The following PTPN13 variants were observed in gnomAD, a reference collection of about 807,000 sequenced individuals.
PTPN13 encodes the protein tyrosine-protein phosphatase non-receptor type 13.
PTPN13 carries 191 observed loss-of-function variants against 284.0 expected under a neutral mutation model. The observed-to-expected ratio is 0.67, with a 90% CI of 0.60 to 0.76. The LOEUF (loss-of-function observed/expected upper bound fraction) is 0.76. PTPN13 is among the 30% of genes least tolerant of loss of function. PTPN13 has a pLI of 0.00. For missense variants in PTPN13, 2,797 were observed against 2,939.9 expected, an observed-to-expected ratio of 0.95 and a Z score of 1.12; for synonymous variants, 986 against 1,022.3, an observed-to-expected ratio of 0.96 and a Z score of 0.68.
At chr4:86,749,236 TTTTC>T (rs1486788150) in intron 17 of PTPN13, among the ~76,000 whole-genome samples, 1 of 152,110 alleles carries the variant, frequency 6.6e-6, no homozygotes, top group Non-Finnish European at 1.5e-5. Flanking sequence ...TCATTTGATA[TTTTC>T]TTTCTTCCTT....
At position 86,753,051 on chromosome 4, in the gene PTPN13, C is replaced by G. The variant is rs373545198; in HGVS notation, c.3209C>G (p.Pro1070Arg). Residue 1070 changes from proline to arginine, a missense_variant, in exon 20 of 48, where the codon CCC becomes CGC. Physicochemically the swap from Pro to Arg is moderately radical, Grantham distance 103 (BLOSUM62 -2). Coordinates refer to ENST00000411767, the MANE Select transcript of PTPN13 (RefSeq NM_080683.3). ...HSSGNSSSQVPLKENDVLHKR... is the reference protein window; with the variant it reads ...HSSGNSSSQVRLKENDVLHKR... ...TCTGGAAACTCTTCATCCCAAGTAC[C>G]CTTAAAAGAAAATGGTAGGTTTACA... The G allele has an allele frequency of 1.2e-6, 2 of 1,606,184 alleles. No individual in the cohort carries two copies. Among genetic ancestry groups the G allele is most frequent in the African/African-American group, 1.3e-5 (1 of 74,818 alleles).
At chr4:86,609,690 C>G (rs1222548062) in intron 1 of PTPN13, among the ~76,000 whole-genome samples, 3 of 152,114 alleles carry the variant, frequency 2.0e-5, no homozygotes, top group African/African-American at 4.8e-5. Context: ...ATGTTTCACA[C>G]TTTTAACCTG....
intron 1 of PTPN13, among the ~76,000 whole-genome samples, chr4:86,630,426 A>T (rs573514379): frequency 2.0e-5 from 3 of 152,214 alleles, no homozygotes; most frequent in African/African-American, 7.2e-5. Flanking sequence ...TGGAATCACC[A>T]TGCGAATCTG....
rs964869314 is a variant in PTPN13, at chr4:86,635,149, A to G, written c.-5-103A>G. Reference sequence around the variant, plus strand: ...TGGTAGCCATATTGAGAAATTAGGTAGACAGGGGGCTTATAGTCTGTCATC... The same window carrying G: ...TGGTAGCCATATTGAGAAATTAGGTGGACAGGGGGCTTATAGTCTGTCATC... On this transcript the variant is annotated intron_variant, in intron 1 of 47. Transcript: ENST00000411767. 7 of 1,219,244 alleles carry G rather than the reference A, an allele frequency of 5.7e-6. No individual in the cohort carries two copies. The Admixed American group carries it at 1.8e-4, about 31-fold the overall frequency. 75.5% of individuals were successfully genotyped at this position (1,219,244 alleles called of 1,614,324 possible). A position where few individuals can be genotyped will look rare whatever the true frequency, so the allele number is the denominator to read the frequency against.
At chr4:86,801,928 G>A (rs1744079494) in intron 42 of PTPN13, among the ~76,000 whole-genome samples, 1 of 151,992 alleles carries the variant, frequency 6.6e-6, no homozygotes, top group African/African-American at 2.4e-5. Flanking sequence ...TGAAGCAAAG[G>A]ATATTGTCAT....
At chr4:86,609,855 G>C (rs1385538171) in intron 1 of PTPN13, among the ~76,000 whole-genome samples, 1 of 152,032 alleles carries the variant, frequency 6.6e-6, no homozygotes, top group Non-Finnish European at 1.5e-5. Context: ...TTGTACTTCG[G>C]GGGACTTAGA....
chr4:86,635,558 T>C (rs938329292), intron 2 of PTPN13, among the ~76,000 whole-genome samples, 187 bp downstream of exon 2: 8 of 152,348 alleles, frequency 5.3e-5, no homozygotes, highest in Admixed American at 4.6e-4. Context: ...TTCATTTGAA[T>C]ATCTTCTATG....
chr4:86,782,803 C>A (rs1741471366), intron 37 of PTPN13, among the ~76,000 whole-genome samples: 1 of 152,158 alleles, frequency 6.6e-6, no homozygotes, highest in Non-Finnish European at 1.5e-5. Flanking sequence ...ACAGAGAAAT[C>A]TAGGGGTGAC....
chr4:86,677,765 A>C, intron 3 of PTPN13, among the ~76,000 whole-genome samples: 1 of 152,108 alleles, frequency 6.6e-6, no homozygotes, highest in East Asian at 1.9e-4. Flanking sequence ...CTAAAAAACT[A>C]ATTTCTGGTA....
At chr4:86,721,149 C>T (rs1733608718) in intron 9 of PTPN13, among the ~76,000 whole-genome samples, 1 of 150,738 alleles carries the variant, frequency 6.6e-6, no homozygotes, top group South Asian at 2.2e-4. Flanking sequence ...GGAGAGATAA[C>T]AATGATAATT....
intron 3 of PTPN13, 77 bp from the exon 4 acceptor site, chr4:86,686,633 A>C: frequency 1.1e-6 from 1 of 925,840 alleles, no homozygotes; most frequent in Non-Finnish European, 1.7e-6. Context: ...GGAACAAAAT[A>C]ATCTGTTTTT....
At chr4:86,758,417 G>A (rs1400646657) in intron 21 of PTPN13, 68 bp downstream of exon 21, 9 of 1,306,648 alleles carry the variant, frequency 6.9e-6, no homozygotes, top group Non-Finnish European at 9.7e-6. Context: ...CTATAGCATA[G>A]CATTGGCATT....
Position 86,775,547 on chromosome 4 carries a change from A to G in PTPN13, c.5786A>G (p.Asp1929Gly). The G allele has an allele frequency of 6.2e-7, 1 of 1,613,660 alleles. No homozygotes were observed. Reference sequence around the variant, plus strand: ...ATTGAGGGTAATCTCCAGCTATTAGATGTCATCCATTATGTGAACGGAGTC... The same window carrying G: ...ATTGAGGGTAATCTCCAGCTATTAGGTGTCATCCATTATGTGAACGGAGTC... Reference protein sequence around the residue: ...AAIEGNLQLLDVIHYVNGVST... With the variant: ...AAIEGNLQLLGVIHYVNGVST... Residue 1929 changes from aspartate (D) to glycine (G), a missense_variant, in exon 35 of 48, where the codon GAT becomes GGT. Physicochemically the swap from Asp to Gly is moderately conservative, Grantham distance 94. Coordinates refer to ENST00000411767, the MANE Select transcript of PTPN13 (RefSeq NM_080683.3).
At chr4:86,639,571 C>T (rs1031121563) in intron 2 of PTPN13, among the ~76,000 whole-genome samples, 12 of 151,640 alleles carry the variant, frequency 7.9e-5, no homozygotes, top group African/African-American at 1.2e-4. Context: ...AGCAAACTAT[C>T]GCAAGGACAA....
chr4:86,738,779 C>T (rs1735822867), intron 15 of PTPN13, among the ~76,000 whole-genome samples: 1 of 152,128 alleles, frequency 6.6e-6, no homozygotes, highest in African/African-American at 2.4e-5. Flanking sequence ...CTCCCAGGCT[C>T]AAGTGATGCT....
chr4:86,799,117 CAAGAA>C lies in PTPN13; in HGVS notation c.6424_6428del (p.Lys2142AspfsTer2). On this transcript the variant is annotated frameshift_variant, in exon 42 of 48. Transcript: ENST00000411767. LOFTEE classifies it high-confidence loss of function. ...TTTTCATAGCTTAATTCAGAAGCCA[CAAGAA>C]AAGAAGACTGATGATGATGAAATAA... The C allele has an allele frequency of 6.3e-7, 1 of 1,579,624 alleles. No homozygotes were observed. Among genetic ancestry groups the C allele is most frequent in the Non-Finnish European group, 8.6e-7 (1 of 1,164,880 alleles).
Position 86,775,597 on chromosome 4 carries a change from G to A in PTPN13, c.5836G>A (p.Glu1946Lys), listed in dbSNP as rs960452120. ...CAGCACACAAGGAATGACCTTGGAG[G>A]AAGTTAACAGAGCATTAGACATGTC... is the stretch of plus-strand genomic sequence containing the variant. ...GVSTQGMTLE[E>K]VNRALDMSLP... Residue 1946 changes from glutamate to lysine, a missense_variant, in exon 35 of 48, where the codon GAA becomes AAA. Physicochemically the swap from Glu to Lys is moderately conservative, Grantham distance 56. Transcript: ENST00000411767. 1 of 1,613,356 alleles carries A rather than the reference G, an allele frequency of 6.2e-7. No homozygotes were observed. Among genetic ancestry groups the A allele is most frequent in the Non-Finnish European group, 8.5e-7 (1 of 1,179,656 alleles).
chr4:86,617,604 CTT>C (rs1476099460), intron 1 of PTPN13, among the ~76,000 whole-genome samples: 1 of 151,998 alleles, frequency 6.6e-6, no homozygotes, highest in African/African-American at 2.4e-5. Context: ...TGTTTCCTGA[CTT>C]TTTAATGATC....
chr4:86,736,305 A>G lies in PTPN13; in HGVS notation c.2304+559A>G, dbSNP rs192241252. On this transcript the variant is annotated intron_variant, in intron 15 of 47. Transcript: ENST00000411767. Reference sequence around the variant, plus strand: ...CTATATGACCTTAGATAAATAGTACATTTACGATCAAGAAAAATAGTATTA... The same window carrying G: ...CTATATGACCTTAGATAAATAGTACGTTTACGATCAAGAAAAATAGTATTA... Among the ~76,000 whole-genome samples the G allele has an allele frequency of 1.1e-4, 17 of 152,344 alleles. No individual in the cohort carries two copies. In the East Asian group the frequency reaches 3.1e-3, roughly 28 times the overall value.
Sources: gnomAD v4.1 joint callset for allele counts (sites outside exome capture counted in the v4.1 genomes callset) on GRCh38, gnomAD v4.1.1 for gene constraint, MANE v1.5 for transcripts, NCBI Gene and HGNC (gene_info 2026-07-23, HGNC 2026-07-21) for gene names.